Variants in DSE observed in about 807,000 individuals in gnomAD.
DSE encodes dermatan sulfate epimerase.
A neutral mutation model predicts 84.4 loss-of-function variants in DSE; 36 were observed. That is an observed-to-expected ratio of 0.43 (90% CI 0.33 to 0.56). The LOEUF (loss-of-function observed/expected upper bound fraction) is 0.56. Among genes scored for constraint, DSE ranks in the 20% least tolerant of loss-of-function variants. DSE has a pLI of 0.06. For missense variants in DSE, 862 were observed against 1,169.6 expected (o/e 0.74, Z 3.84); for synonymous variants, 410 against 430.1 (o/e 0.95, Z 0.58).
chr6:116,283,526 TTTGTTGTTGTTG>T (rs148204266), intron 2 of DSE, among the ~76,000 whole-genome samples: 300 of 149,352 alleles, frequency 2.0e-3, no homozygotes, highest in Non-Finnish European at 3.1e-3. Flanking sequence ...GGGTAGATTC[TTTGTTGTTGTTG>T]TTGTTGTTGT....
chr6:116,310,214 C>T (rs1319186707), intron 2 of DSE, among the ~76,000 whole-genome samples: 1 of 152,082 alleles, frequency 6.6e-6, no homozygotes, highest in Non-Finnish European at 1.5e-5. Context: ...CCCTATTTCT[C>T]ATCTCTTTTA....
chr6:116,291,110 T>G (rs1774254724), intron 2 of DSE, among the ~76,000 whole-genome samples: 1 of 152,128 alleles, frequency 6.6e-6, no homozygotes, highest in Non-Finnish European at 1.5e-5. Flanking sequence ...TACAAAAATC[T>G]GAAAGTCATG....
chr6:116,435,593 T>C lies in DSE; in HGVS notation c.1125T>C (p.Asp375=). The C allele has an allele frequency of 6.4e-7, 1 of 1,570,674 alleles. No individual in the cohort carries two copies. Among genetic ancestry groups the C allele is most frequent in the Non-Finnish European group, 8.6e-7 (1 of 1,159,542 alleles). The change falls in exon 6 of 6, where the codon GAT becomes GAC. Residue 375 remains aspartate (D), a synonymous_variant. Transcript: ENST00000644252. ...CTLHTEFLWY[D]GSLKSVPPPD... is the part of the protein sequence containing the mutation. ...TTTTCAAAATTAATTTCAGGTATGA[T>C]GGCAGCTTGAAATCGGTTCCTCCTC...
chr6:116,432,032 G>A (rs570127843), intron 4 of DSE, among the ~76,000 whole-genome samples: 3 of 152,038 alleles, frequency 2.0e-5, no homozygotes, highest in African/African-American at 7.3e-5. Flanking sequence ...CTCCATTATT[G>A]GACTAATTCA....
intron 1 of DSE, among the ~76,000 whole-genome samples, chr6:116,388,775 T>C (rs1780717823): frequency 6.6e-6 from 1 of 152,204 alleles, no homozygotes; most frequent in Admixed American, 6.5e-5. Flanking sequence ...TTTATTAGTA[T>C]GGTGAATCAG....
Position 116,431,076 on chromosome 6 carries a change from A to G in DSE, c.793A>G (p.Thr265Ala), listed in dbSNP as rs1415426823. ...LYEGVAYGSY[T>A]TRSLFQYMFL... ...TGAAGGAGTTGCGTATGGCAGCTACACCACTAGATCACTCTTCCAATACAT... is the reference window on the plus strand; with the variant it reads ...TGAAGGAGTTGCGTATGGCAGCTACGCCACTAGATCACTCTTCCAATACAT... Residue 265 changes from threonine (T) to alanine (A), a missense_variant, in exon 4 of 6, where the codon ACC (threonine) becomes GCC (alanine). Thr to Ala is a moderately conservative substitution (Grantham distance 58, BLOSUM62 0). Around this residue, in one of 4 missense-constraint regions of DSE, gnomAD observed 309 missense variants for 516.9 expected, o/e 0.60. Transcript: ENST00000644252. The G allele has an allele frequency of 6.2e-7, 1 of 1,614,184 alleles. No homozygotes were observed. The highest frequency in any genetic ancestry group is 2.2e-5 in the East Asian group (1 of 44,876).
rs147073456 is a variant in DSE, at chr6:116,395,257, C to T, written c.-53-3941C>T. Among the ~76,000 whole-genome samples, 678 of 152,300 alleles carry T rather than the reference C, an allele frequency of 4.5e-3. 22 individuals are homozygous for T. Among genetic ancestry groups the T allele is most frequent in the South Asian group, 0.043 (206 of 4,826 alleles). On this transcript the variant is annotated intron_variant, in intron 1 of 5. Transcript: ENST00000644252. ...TGGCTAACAGGGTGAAACCCCATCT[C>T]TACTAAAAATACAAAATATTAGCTG...
chr6:116,430,816 A>G, intron 3 of DSE, 138 bp from the exon 4 acceptor site: 1 of 1,159,832 alleles, frequency 8.6e-7, no homozygotes, highest in Non-Finnish European at 1.2e-6. Flanking sequence ...TTATTTATAC[A>G]CTGACAAGTT....
chr6:116,401,023 A>G (rs1006718790), intron 2 of DSE: 1 of 152,156 alleles, frequency 6.6e-6, no homozygotes, highest in African/African-American at 2.4e-5. Flanking sequence ...AAATTAAGAA[A>G]TTGATGTAAA....
At chr6:116,397,418 G>A (rs1781326615) in intron 1 of DSE, among the ~76,000 whole-genome samples, 1 of 151,976 alleles carries the variant, frequency 6.6e-6, no homozygotes, top group South Asian at 2.1e-4. Flanking sequence ...TTTTGGCCAG[G>A]ATGGTCTTCA....
chr6:116,333,347 A>T (rs1326634248), intron 2 of DSE, among the ~76,000 whole-genome samples: 3 of 152,170 alleles, frequency 2.0e-5, no homozygotes, highest in Admixed American at 1.3e-4. Flanking sequence ...TCATAACATG[A>T]TGGAAGGCAT....
At chr6:116,435,042 G>GT (rs1448807891) in intron 5 of DSE, among the ~76,000 whole-genome samples, 1 of 152,136 alleles carries the variant, frequency 6.6e-6, no homozygotes, top group African/African-American at 2.4e-5. Flanking sequence ...CTGAGATGTG[G>GT]TGTTGGTGAT....
chr6:116,309,217 A>G (rs1034482748), intron 2 of DSE, among the ~76,000 whole-genome samples: 2 of 152,146 alleles, frequency 1.3e-5, no homozygotes, highest in African/African-American at 4.8e-5. Context: ...TTCCCCCCTC[A>G]TCCTGTATAC....
Position 116,258,989 on chromosome 6 carries a change from C to T in DSE, c.-54+22C>T, listed in dbSNP as rs760760801. The T allele has an allele frequency of 6.7e-6, 10 of 1,487,804 alleles. No homozygotes were observed. In the African/African-American group the frequency reaches 1.2e-4, roughly 19 times the overall value. 92.2% of individuals were successfully genotyped at this position (1,487,804 alleles called of 1,614,324 possible). ...TGAGGTAGGTACTTGGCATATTTCT[C>T]CTTCACTGCAATGTAATCCTGCAGG... is the stretch of plus-strand genomic sequence containing the variant. On this transcript the variant is annotated intron_variant, in intron 2 of 3. Coordinates refer to the DSE transcript ENST00000430252.
intron 2 of DSE, chr6:116,280,124 A>G: frequency 4.2e-6 from 2 of 475,568 alleles, no homozygotes; most frequent in Non-Finnish European, 8.0e-6. Flanking sequence ...GGAAGCGCGG[A>G]CGACCCACCT....
chr6:116,339,102 A>G (rs1321844085), intron 2 of DSE, among the ~76,000 whole-genome samples: 3 of 152,174 alleles, frequency 2.0e-5, no homozygotes, highest in African/African-American at 7.2e-5. Flanking sequence ...TGGCTGAAAA[A>G]GTGCAGGGTG....
chr6:116,347,914 C>A (rs1296129074), intron 2 of DSE, among the ~76,000 whole-genome samples: 1 of 151,136 alleles, frequency 6.6e-6, no homozygotes, highest in Non-Finnish European at 1.5e-5. Flanking sequence ...GGGCTAATAT[C>A]CAGAATCTAC....
At chr6:116,260,876 G>A (rs1002671988) in intron 2 of DSE, among the ~76,000 whole-genome samples, 1 of 152,130 alleles carries the variant, frequency 6.6e-6, no homozygotes, top group Non-Finnish European at 1.5e-5. Flanking sequence ...TGCTGTTTTG[G>A]TTACTGTAGC....
chr6:116,412,309 A>T (rs1378907205), intron 2 of DSE, among the ~76,000 whole-genome samples: 3 of 151,824 alleles, frequency 2.0e-5, no homozygotes, highest in African/African-American at 7.3e-5. Context: ...TCCTGAATTG[A>T]CTGAGCCCAT....
Sources: gnomAD v4.1 joint callset for allele counts (sites outside exome capture counted in the v4.1 genomes callset) on GRCh38, gnomAD v4.1.1 for gene constraint, gnomAD v4.1.1 regional missense constraint, MANE v1.5 for transcripts, NCBI Gene and HGNC (gene_info 2026-07-23, HGNC 2026-07-21) for gene names.